The following CLVS1 variants were observed in gnomAD, a reference collection of about 807,000 sequenced individuals.
CLVS1 encodes the protein clavesin 1, also known as clavesin-1.
A neutral mutation model predicts 33.1 loss-of-function variants in CLVS1; 10 were observed. That is an observed-to-expected ratio of 0.30 (90% confidence interval 0.19 to 0.51). CLVS1 has a LOEUF of 0.51. Ranked by LOEUF, CLVS1 falls within the 20% of genes least tolerant of loss-of-function variation. The probability of loss-of-function intolerance (pLI) is 0.97; values close to 1 mark genes in which losing one functional copy is unlikely to be tolerated. For synonymous variants in CLVS1, 163 were observed against 166.1 expected, an observed-to-expected ratio of 0.98 and a Z score of 0.14; for missense variants, 343 against 433.4, an observed-to-expected ratio of 0.79 and a Z score of 1.85.
intron 2 of CLVS1, among the ~76,000 whole-genome samples, chr8:61,267,949 C>G (rs187106974): frequency 2.4e-3 from 365 of 152,096 alleles, no homozygotes; most frequent in African/African-American, 8.3e-3. Context: ...ATTGATGGAT[C>G]GATCAGAGGA....
At chr8:61,381,396 T>C (rs879544314) in intron 3 of CLVS1, among the ~76,000 whole-genome samples, 6 of 152,190 alleles carry the variant, frequency 3.9e-5, no homozygotes, top group Admixed American at 3.3e-4. Context: ...CCTTTATTTA[T>C]TTAATTATTT....
intron 3 of CLVS1, among the ~76,000 whole-genome samples, chr8:61,431,288 C>T (rs1237727104): frequency 6.6e-6 from 1 of 152,122 alleles, no homozygotes; most frequent in Non-Finnish European, 1.5e-5. Flanking sequence ...TATTAAACAA[C>T]GTTCAACAGA....
intron 2 of CLVS1, among the ~76,000 whole-genome samples, chr8:61,198,530 C>A (rs568612302): frequency 4.6e-5 from 7 of 152,290 alleles, no homozygotes; most frequent in African/African-American, 1.2e-4. Context: ...TAGGTGTGCA[C>A]CACCATGCCT....
At chr8:61,310,098 C>A (rs934654194) in intron 2 of CLVS1, among the ~76,000 whole-genome samples, 1 of 152,064 alleles carries the variant, frequency 6.6e-6, no homozygotes, top group Admixed American at 6.5e-5. Flanking sequence ...ATGAGGTAAC[C>A]CTGCCCCCAA....
At chr8:61,201,214 T>A (rs1807725864) in intron 2 of CLVS1, among the ~76,000 whole-genome samples, 1 of 152,162 alleles carries the variant, frequency 6.6e-6, no homozygotes. Context: ...ACTTATTGCT[T>A]TTAAGGAATA....
chr8:61,115,599 C>T (rs1805706138), intron 1 of CLVS1, among the ~76,000 whole-genome samples: 1 of 151,930 alleles, frequency 6.6e-6, no homozygotes, highest in East Asian at 1.9e-4. Context: ...TGTTCAATTC[C>T]CACCTATGAG....
chr8:61,181,902 TG>T (rs1181151899), intron 2 of CLVS1, among the ~76,000 whole-genome samples: 1 of 151,844 alleles, frequency 6.6e-6, no homozygotes, highest in African/African-American at 2.4e-5. Context: ...GGGGTTTCAC[TG>T]TGTTAGCCAG....
At chr8:61,270,215 T>C (rs1414196044) in intron 2 of CLVS1, among the ~76,000 whole-genome samples, 1 of 152,230 alleles carries the variant, frequency 6.6e-6, no homozygotes, top group African/African-American at 2.4e-5. Context: ...TGAGAGTTTT[T>C]AGCATGAAGG....
intron 3 of CLVS1, among the ~76,000 whole-genome samples, chr8:61,425,146 T>TG (rs1815834030): frequency 6.6e-6 from 1 of 152,224 alleles, no homozygotes; most frequent in Non-Finnish European, 1.5e-5. Flanking sequence ...GTTTGTTGGA[T>TG]GAAAGACCAG....
At chr8:61,219,538 C>T (rs1460741300) in intron 2 of CLVS1, among the ~76,000 whole-genome samples, 2 of 152,124 alleles carry the variant, frequency 1.3e-5, no homozygotes, top group Non-Finnish European at 2.9e-5. Context: ...TTTTCTTATC[C>T]AGTCTATCAT....
At chr8:60,977,875 T>G in the CLVS1 span, among the ~76,000 whole-genome samples, 1 of 152,196 alleles carries the variant, frequency 6.6e-6, no homozygotes, top group Non-Finnish European at 1.5e-5. Flanking sequence ...AGTCAAATTC[T>G]TGAAACCAAA....
At chr8:61,025,682 T>G in the CLVS1 span, among the ~76,000 whole-genome samples, 1 of 152,220 alleles carries the variant, frequency 6.6e-6, no homozygotes, top group South Asian at 2.1e-4. Flanking sequence ...GTCACTTTTG[T>G]TATAGATTTG....
In CLVS1 at chr8:61,176,716, G is replaced by A. The variant is rs552924163; in HGVS notation, c.-152+44856G>A. On this transcript the variant is annotated intron_variant, in intron 2 of 2. Transcript: ENST00000522621. Reference sequence around the variant, plus strand: ...AGAGCAGTGTTGTGCGGCAGCCCACGGGAGAGCCACATGAGGCGGGGGAGC... The same window carrying A: ...AGAGCAGTGTTGTGCGGCAGCCCACAGGAGAGCCACATGAGGCGGGGGAGC... 1.9e-3 allele frequency among the ~76,000 whole-genome samples: 292 copies of A among 152,260 alleles called. 1 individual carries two copies. The highest frequency in any genetic ancestry group is 6.0e-3 in the Admixed American group (92 of 15,296).
At chr8:61,262,450 T>A (rs1809225298) in intron 2 of CLVS1, among the ~76,000 whole-genome samples, 1 of 152,094 alleles carries the variant, frequency 6.6e-6, no homozygotes, top group African/African-American at 2.4e-5. Flanking sequence ...GTAGGAGGAT[T>A]GCTTGAGCTG....
chr8:60,972,969 CTACTGACTTCCAGT>C, the CLVS1 span, among the ~76,000 whole-genome samples: 33 of 152,308 alleles, frequency 2.2e-4, no homozygotes, highest in Non-Finnish European at 2.4e-4. Flanking sequence ...TGACTTCCAG[CTACTGACTTCCAGT>C]GGACAGGAGG....
At chr8:61,453,831 C>G (rs1817051066) in intron 3 of CLVS1, among the ~76,000 whole-genome samples, 1 of 152,162 alleles carries the variant, frequency 6.6e-6, no homozygotes, top group Non-Finnish European at 1.5e-5. Flanking sequence ...AGATTCCCCT[C>G]ACTCCTCAGG....
chr8:61,007,666 G>C, the CLVS1 span, among the ~76,000 whole-genome samples: 51,484 of 151,996 alleles, frequency 0.34, 9,227 homozygotes, highest in Middle Eastern at 0.51. Flanking sequence ...CAGCCACCAC[G>C]CTACTCCCGC....
intron 3 of CLVS1, among the ~76,000 whole-genome samples, chr8:61,411,422 C>T (rs1440435037): frequency 6.6e-6 from 1 of 151,916 alleles, no homozygotes; most frequent in Non-Finnish European, 1.5e-5. Flanking sequence ...GAGACAGAGG[C>T]TGGGTGGGAT....
chr8:61,354,071 T>G (rs547108613), intron 2 of CLVS1, among the ~76,000 whole-genome samples: 2 of 152,152 alleles, frequency 1.3e-5, no homozygotes, highest in Admixed American at 1.3e-4. Flanking sequence ...CCCTATAGCC[T>G]TCAAATTCGT....
Sources: gnomAD v4.1 joint callset for allele counts (sites outside exome capture counted in the v4.1 genomes callset) on GRCh38, gnomAD v4.1.1 for gene constraint, MANE v1.5 for transcripts, NCBI Gene and HGNC (gene_info 2026-07-23, HGNC 2026-07-21) for gene names.